Variants in EPB41L4A observed in about 807,000 individuals in gnomAD.
The protein encoded by EPB41L4A is erythrocyte membrane protein band 4.1 like 4A.
A neutral mutation model predicts 108.6 loss-of-function variants in EPB41L4A; 100 were observed. That is an observed-to-expected ratio of 0.92 (90% CI 0.78 to 1.09). The LOEUF (loss-of-function observed/expected upper bound fraction) is 1.09. Ranked by LOEUF, EPB41L4A falls within the 50% of genes least tolerant of loss-of-function variation. The pLI, the probability that EPB41L4A is intolerant of heterozygous loss-of-function variation, is 0.00. For missense variants in EPB41L4A, 1,030 were observed against 842.7 expected (o/e 1.22, Z -2.75); for synonymous variants, 319 against 289.0 (o/e 1.10, Z -1.05).
Position 112,249,475 on chromosome 5 carries a change from T to G in EPB41L4A, c.796-8665A>C, listed in dbSNP as rs143864259. 354 of 152,344 alleles carry G rather than the reference T, an allele frequency of 2.3e-3. 5 individuals carry two copies. Among genetic ancestry groups the G allele is most frequent in the Admixed American group, 0.017 (267 of 15,302 alleles). The allele number at this position is 152,344 out of a possible 1,614,324, so 9.4% of individuals were successfully genotyped here. ...ATTGTAAGTCTTTTGAAAAATTTTA[T>G]CTTTCTAAATGGTGAAACTGACTAT... On this transcript the variant is annotated intron_variant, in intron 9 of 22. Transcript: ENST00000261486.
exon 14 of EPB41L4A, chr5:112,143,733 G>C (rs1257340906): frequency 5.9e-6 from 2 of 338,832 alleles, no homozygotes; most frequent in African/African-American, 2.2e-5. Context: ...CTCCAATATA[G>C]AAAAGTCCCA....
intron 13 of EPB41L4A, among the ~76,000 whole-genome samples, chr5:112,209,475 G>A (rs1762626085): frequency 6.6e-6 from 1 of 152,200 alleles, no homozygotes; most frequent in Admixed American, 6.5e-5. Context: ...GCCTCTAAAT[G>A]CCATAAACCC....
At chr5:112,297,272 C>T (rs1754055561) in intron 2 of EPB41L4A, among the ~76,000 whole-genome samples, 1 of 152,028 alleles carries the variant, frequency 6.6e-6, no homozygotes, top group Non-Finnish European at 1.5e-5. Context: ...CAGAAGTGTT[C>T]CCTTTTCATC....
chr5:112,278,451 C>G (rs1043642997), intron 3 of EPB41L4A, among the ~76,000 whole-genome samples: 11 of 151,904 alleles, frequency 7.2e-5, no homozygotes, highest in Admixed American at 6.6e-5. Context: ...GAGGCTTCAC[C>G]ATGTTGGCCA....
At chr5:112,200,747 T>A (rs996332468) in intron 15 of EPB41L4A, among the ~76,000 whole-genome samples, 3 of 152,220 alleles carry the variant, frequency 2.0e-5, no homozygotes, top group Non-Finnish European at 4.4e-5. Context: ...TATATGCAGA[T>A]GTTTATATGT....
chr5:112,316,083 G>T (rs953985551), intron 1 of EPB41L4A, among the ~76,000 whole-genome samples: 1 of 152,134 alleles, frequency 6.6e-6, no homozygotes, highest in Non-Finnish European at 1.5e-5. Context: ...GCTTATAATC[G>T]TAGAGAAAGA....
chr5:112,257,311 C>T (rs1751170630), intron 9 of EPB41L4A: 1 of 152,102 alleles, frequency 6.6e-6, no homozygotes, highest in African/African-American at 2.4e-5. Flanking sequence ...TTAATTCAAG[C>T]CTCTGAGTTA....
intron 1 of EPB41L4A, among the ~76,000 whole-genome samples, chr5:112,410,234 T>G (rs1296098404): frequency 1.3e-5 from 2 of 152,112 alleles, no homozygotes; most frequent in African/African-American, 2.4e-5. Context: ...CAGACAAGTA[T>G]GAGGAGATGG....
intron 1 of EPB41L4A, among the ~76,000 whole-genome samples, chr5:112,311,054 C>T (rs1200609221): frequency 6.6e-6 from 1 of 152,122 alleles, no homozygotes; most frequent in African/African-American, 2.4e-5. Context: ...CTCTGTTACC[C>T]AGGCTGGAAT....
chr5:112,370,036 T>C (rs1482382588), intron 1 of EPB41L4A, among the ~76,000 whole-genome samples: 1 of 152,212 alleles, frequency 6.6e-6, no homozygotes, highest in Non-Finnish European at 1.5e-5. Flanking sequence ...CAGTTGGTTT[T>C]TGGTTTGAGA....
chr5:112,177,929 A>G (rs1235233955), intron 18 of EPB41L4A, among the ~76,000 whole-genome samples: 9 of 152,132 alleles, frequency 5.9e-5, no homozygotes, highest in Admixed American at 5.9e-4. Flanking sequence ...CAGGCGTAAT[A>G]AACCAGAAAA....
At chr5:112,320,269 G>C (rs1755688941) in intron 1 of EPB41L4A, among the ~76,000 whole-genome samples, 1 of 152,140 alleles carries the variant, frequency 6.6e-6, no homozygotes, top group Non-Finnish European at 1.5e-5. Context: ...TGTGAGAAAA[G>C]AGGAAGGAGA....
chr5:112,205,652 T>G (rs1283756439), intron 13 of EPB41L4A, 148 bp from the exon 14 acceptor site: 5 of 651,760 alleles, frequency 7.7e-6, no homozygotes, highest in Non-Finnish European at 1.3e-5. Flanking sequence ...AAAAAGAACA[T>G]GAAGTCGCTG....
At chr5:112,284,818 C>T (rs1400692066) in intron 2 of EPB41L4A, among the ~76,000 whole-genome samples, 2 of 152,152 alleles carry the variant, frequency 1.3e-5, no homozygotes, top group Non-Finnish European at 2.9e-5. Flanking sequence ...CTGATGTAAC[C>T]CGGAGAGCAA....
At chr5:112,237,865 A>G (rs1749463702) in intron 11 of EPB41L4A, among the ~76,000 whole-genome samples, 1 of 152,206 alleles carries the variant, frequency 6.6e-6, no homozygotes, top group Admixed American at 6.5e-5. Flanking sequence ...ATTCATTAAG[A>G]CTTACTAGGC....
chr5:112,258,161 T>C (rs1751240844), intron 9 of EPB41L4A, among the ~76,000 whole-genome samples: 1 of 152,236 alleles, frequency 6.6e-6, no homozygotes, highest in African/African-American at 2.4e-5. Flanking sequence ...GATGAGATAA[T>C]GTTTTTTTCC....
chr5:112,271,566 C>T (rs558988868), intron 4 of EPB41L4A, among the ~76,000 whole-genome samples: 1 of 152,192 alleles, frequency 6.6e-6, no homozygotes, highest in Non-Finnish European at 1.5e-5. Flanking sequence ...AGACCTCACT[C>T]AGCCTTTCTG....
intron 1 of EPB41L4A, among the ~76,000 whole-genome samples, chr5:112,346,515 C>T (rs758872076): frequency 1.3e-5 from 2 of 152,052 alleles, no homozygotes; most frequent in Admixed American, 1.3e-4. Context: ...AGCCACTGCG[C>T]CCAGCCTGTA....
chr5:112,240,639 T>C lies in EPB41L4A; in HGVS notation c.887+80A>G, dbSNP rs531295619. On this transcript the variant is annotated intron_variant, in intron 10 of 22. Transcript: ENST00000261486. Reference sequence around the variant, plus strand: ...AAGGGAAACAATTCCAAATTTCTGTTTTAGACAGAATTCTTTTTATAAAAA... The same window carrying C: ...AAGGGAAACAATTCCAAATTTCTGTCTTAGACAGAATTCTTTTTATAAAAA... 46 of 784,708 alleles carry C rather than the reference T, an allele frequency of 5.9e-5. No homozygotes were observed. In the African/African-American group the frequency reaches 7.4e-4, roughly 13 times the overall value. 48.6% of individuals were successfully genotyped at this position (784,708 alleles called of 1,614,324 possible).
Sources: allele counts gnomAD v4.1 joint callset (sites outside exome capture counted in the v4.1 genomes callset), GRCh38; gene constraint gnomAD v4.1.1; transcripts MANE v1.5; gene names NCBI Gene and HGNC (gene_info 2026-07-23, HGNC 2026-07-21).